Variants in PRKD2 observed in about 807,000 individuals in gnomAD.
PRKD2 encodes serine/threonine-protein kinase D2.
Under a neutral mutation model 86.0 loss-of-function variants are expected in PRKD2, and 22 were observed. The ratio of observed to expected loss-of-function variants is 0.26; its 90% confidence interval spans 0.18 to 0.37. PRKD2 has a LOEUF of 0.37. PRKD2 is among the 10% of genes least tolerant of loss of function. The pLI is 1.00. For synonymous variants in PRKD2, 509 were observed against 510.9 expected, an observed-to-expected ratio of 1.00 and a Z score of 0.05; for missense variants, 818 against 1,199.2, an observed-to-expected ratio of 0.68 and a Z score of 4.70.
At chr19:46,697,269 A>G (rs1260060375) in intron 8 of PRKD2, 35 bp from the exon 9 acceptor site, 4 of 1,491,160 alleles carry the variant, frequency 2.7e-6, no homozygotes. Context: ...GTGAACCGCC[A>G]GACTTTCCTG....
intron 17 of PRKD2, 146 bp from the exon 18 acceptor site, chr19:46,674,881 C>T (rs1481296617): frequency 3.5e-6 from 4 of 1,154,526 alleles, no homozygotes; most frequent in Non-Finnish European, 3.7e-6. Flanking sequence ...TTTAGCTCCA[C>T]CCCCTCTTCC....
rs189032685 is a variant in PRKD2, at chr19:46,676,847, G to A, written c.2338+1549C>T. 5.5e-4 allele frequency among the ~76,000 whole-genome samples: 83 copies of A among 152,246 alleles called. 1 individual carries two copies. Among genetic ancestry groups the A allele is most frequent in the African/African-American group, 1.8e-3 (73 of 41,548 alleles). On this transcript the variant is annotated intron_variant, in intron 16 of 17. Transcript: ENST00000291281. ...GGCTGAAGCGGGCAAATAACTTGAG[G>A]TCAGGAGTTCAAGACCAGCCTGGCT...
In PRKD2 at chr19:46,674,606, G is replaced by T. The variant is rs1195832363; in HGVS notation, c.2554C>A (p.Pro852Thr). Residue 852 changes from proline (P) to threonine (T), a missense_variant, in exon 18 of 18, where the codon CCC (proline) becomes ACC (threonine). Around this residue, in one of 5 missense-constraint regions of PRKD2, gnomAD observed 132 missense variants for 146.2 expected, o/e 0.90. Transcript: ENST00000291281. ...GCCCCACCGAGATCCCTGTCCGTGG[G>T]CAGCCCAGACCCAGGCAGCGGATGC... ...AEHPLPGSGL[P>T]TDRDLGGACP... The T allele has an allele frequency of 1.9e-6, 3 of 1,609,964 alleles. No individual in the cohort carries two copies. The highest frequency in any genetic ancestry group is 2.5e-6 in the Non-Finnish European group (3 of 1,179,978).
At chr19:46,706,954 A>G (rs1217339575) in intron 3 of PRKD2, among the ~76,000 whole-genome samples, 2 of 142,668 alleles carry the variant, frequency 1.4e-5, no homozygotes, top group Non-Finnish European at 3.0e-5. Context: ...GTGCAATGGT[A>G]TGATCTCGGC....
rs971917436 is a variant in PRKD2, at chr19:46,689,522, G to C, written c.1971+15C>G. On this transcript the variant is annotated intron_variant, in intron 14 of 17. Transcript: ENST00000291281. ...GATGGGGAGGGGCGGGTGGCAGCGG[G>C]CAGGGCAGACGCACCTGGGTGATGA... is the stretch of plus-strand genomic sequence containing the variant. 1.9e-6 allele frequency: 3 copies of C among 1,584,506 alleles called. No homozygotes were observed. In the African/African-American group the frequency reaches 4.0e-5, roughly 21 times the overall value.
intron 14 of PRKD2, chr19:46,685,782 C>T (rs2053387911): frequency 6.6e-6 from 1 of 152,304 alleles, no homozygotes; most frequent in African/African-American, 2.4e-5. Flanking sequence ...AACCCCATCT[C>T]TACTAAAATT....
chr19:46,704,924 CCAA>C (rs908294575), intron 3 of PRKD2, among the ~76,000 whole-genome samples: 5 of 150,956 alleles, frequency 3.3e-5, no homozygotes, highest in Non-Finnish European at 3.0e-5. Context: ...TTTTCTCACT[CCAA>C]CAAGGGACAC....
rs1599832283 is a variant in PRKD2 at position 46,700,423 on chromosome 19, A to C, written c.1121+376T>G. 2.0e-5 allele frequency among the ~76,000 whole-genome samples: 3 copies of C among 151,462 alleles called. No individual in the cohort carries two copies. In the East Asian group the frequency reaches 5.9e-4, roughly 30 times the overall value. On this transcript the variant is annotated intron_variant, in intron 7 of 17. Coordinates refer to ENST00000291281, the MANE Select transcript of PRKD2 (RefSeq NM_016457.5). ...GGTGGATCACTTGAGCTCAGGAGTCAGGAGTTCAAGACCAGCCTGGGCAAC... is the reference window on the plus strand; with the variant it reads ...GGTGGATCACTTGAGCTCAGGAGTCCGGAGTTCAAGACCAGCCTGGGCAAC...
In PRKD2 at chr19:46,674,417, G is replaced by T. The variant is rs2053163504; in HGVS notation, c.*106C>A. 2 of 1,236,388 alleles carry T rather than the reference G, an allele frequency of 1.6e-6. No homozygotes were observed. 76.6% of individuals were successfully genotyped at this position (1,236,388 alleles called of 1,614,324 possible). Reference sequence around the variant, plus strand: ...GCTCCCCCCACCCCACTCCCCACGTGTCCCATCCAGTTTGGGCAGGAAGCC... The same window carrying T: ...GCTCCCCCCACCCCACTCCCCACGTTTCCCATCCAGTTTGGGCAGGAAGCC... On this transcript the variant is annotated 3_prime_UTR_variant, in exon 18 of 18. Transcript: ENST00000291281.
intron 12 of PRKD2, among the ~76,000 whole-genome samples, chr19:46,691,409 C>G (rs927449976): frequency 2.0e-5 from 3 of 152,086 alleles, no homozygotes; most frequent in Non-Finnish European, 4.4e-5. Flanking sequence ...TCTACTCTAT[C>G]CAATCAGAAT....
chr19:46,689,895 G>A (rs183740732), intron 13 of PRKD2, among the ~76,000 whole-genome samples, 197 bp from the exon 14 acceptor site: 26 of 152,210 alleles, frequency 1.7e-4, no homozygotes, highest in Non-Finnish European at 3.4e-4. Context: ...TGCCCAGAAG[G>A]ATCTTTTTTT....
In PRKD2 at chr19:46,710,665, G is replaced by C. The variant is rs1037912706; in HGVS notation, c.511+242C>G. 1.3e-5 allele frequency: 6 copies of C among 453,100 alleles called. No individual in the cohort carries two copies. In the South Asian group the frequency reaches 2.1e-4, roughly 16 times the overall value. 28.1% of individuals were successfully genotyped at this position (453,100 alleles called of 1,614,324 possible). ...AGGCTCTGTTCTTAAGCCCCTACTT[G>C]TCCCTCCCAGCTCCACCTCCTAGGC... On this transcript the variant is annotated intron_variant, in intron 3 of 17. Coordinates refer to ENST00000291281, the MANE Select transcript of PRKD2 (RefSeq NM_016457.5).
chr19:46,697,114 G>T (rs1016662351), intron 9 of PRKD2, 43 bp downstream of exon 9: 6 of 1,467,760 alleles, frequency 4.1e-6, no homozygotes, highest in Non-Finnish European at 5.7e-6. Context: ...AAGTTTGTGG[G>T]CACAGCGGGA....
chr19:46,675,506 C>T (rs987614177), intron 16 of PRKD2, among the ~76,000 whole-genome samples: 11 of 152,100 alleles, frequency 7.2e-5, no homozygotes, highest in African/African-American at 2.4e-4. Context: ...TGCAATGGCA[C>T]GATCTTGGCT....
rs1479486139 is a variant in PRKD2 at position 46,716,599 on chromosome 19, C to G, written c.-229G>C. 7 of 396,526 alleles carry G rather than the reference C, an allele frequency of 1.8e-5. No individual in the cohort carries two copies. The highest frequency in any genetic ancestry group is 3.1e-5 in the Non-Finnish European group (7 of 224,002). 24.6% of individuals were successfully genotyped at this position (396,526 alleles called of 1,614,324 possible). ...CCGGAATCCAGGGCTCCCAGAAGAT[C>G]AGAAAGGAGAAAAGTAGTGGGTTGG... On this transcript the variant is annotated 5_prime_UTR_variant, in exon 1 of 18. Coordinates refer to ENST00000291281, the MANE Select transcript of PRKD2 (RefSeq NM_016457.5). This position sits in a 1 kb window ranked among gnomAD's most constrained non-coding sequence, Gnocchi z 7.9.
Position 46,674,349 on chromosome 19 carries a change from T to G in PRKD2, c.*174A>C. 1.5e-6 allele frequency: 1 copy of G among 649,482 alleles called. No individual in the cohort carries two copies. The highest frequency in any genetic ancestry group is 2.6e-6 in the Non-Finnish European group (1 of 386,988). 40.2% of individuals were successfully genotyped at this position (649,482 alleles called of 1,614,324 possible). Reference sequence around the variant, plus strand: ...TCAAGGCCATGGGGCCAGAGATGAGTCCGTTTTAATTGCTGGGGAAACAGG... The same window carrying G: ...TCAAGGCCATGGGGCCAGAGATGAGGCCGTTTTAATTGCTGGGGAAACAGG... On this transcript the variant is annotated 3_prime_UTR_variant, in exon 18 of 18. Coordinates refer to ENST00000291281, the MANE Select transcript of PRKD2 (RefSeq NM_016457.5).
chr19:46,713,685 G>A (rs1394221755), intron 2 of PRKD2, among the ~76,000 whole-genome samples, 178 bp downstream of exon 2: 1 of 150,830 alleles, frequency 6.6e-6, no homozygotes, highest in Non-Finnish European at 1.5e-5. Flanking sequence ...GGCTGATCTC[G>A]AACTCCTGGG....
chr19:46,713,917 C>A lies in PRKD2; in HGVS notation c.325G>T (p.Val109Leu). The change falls in exon 2 of 18, where the codon GTG becomes TTG. Residue 109 changes from valine (V) to leucine (L), a missense_variant. By Grantham distance (32) the Val-to-Leu change is conservative (BLOSUM62 1). Around this residue, in one of 5 missense-constraint regions of PRKD2, gnomAD observed 403 missense variants for 518.6 expected, o/e 0.78. Coordinates refer to ENST00000291281, the MANE Select transcript of PRKD2 (RefSeq NM_016457.5). ...TCCTGGATGTCTCCGGACGAGCGCA[C>A]CAGCTGCAGGAGGTTGGCCGACGTG... ...DPTSANLLQL[V>L]RSSGDIQEGD... 6.2e-7 allele frequency: 1 copy of A among 1,613,300 alleles called. No individual in the cohort carries two copies. Among genetic ancestry groups the A allele is most frequent in the Non-Finnish European group, 8.5e-7 (1 of 1,179,702 alleles).
chr19:46,691,763 G>T lies in PRKD2; in HGVS notation c.1674C>A (p.Gly558=). ...CATAGACCACTCCAAACTGCCCTGA[G>T]CCCAGCACTTCGTCAGGGAAGATCT... The part of the protein sequence containing the change: ...VYQIFPDEVL[G]SGQFGVVYGG... The change falls in exon 12 of 18, where the codon GGC becomes GGA. Residue 558 remains glycine, a synonymous_variant. Transcript: ENST00000291281. The T allele has an allele frequency of 1.2e-6, 2 of 1,613,124 alleles. No homozygotes were observed. Among genetic ancestry groups the T allele is most frequent in the Non-Finnish European group, 1.7e-6 (2 of 1,179,998 alleles).
Sources: gnomAD v4.1 joint callset for allele counts (sites outside exome capture counted in the v4.1 genomes callset) on GRCh38, gnomAD v4.1.1 for gene constraint, gnomAD v4.1.1 regional missense constraint, Gnocchi (gnomAD v3.1) non-coding constraint, MANE v1.5 for transcripts, NCBI Gene and HGNC (gene_info 2026-07-23, HGNC 2026-07-21) for gene names.